TGFBI: variants seen among roughly 807,000 people sequenced by gnomAD.
TGFBI encodes the protein transforming growth factor beta induced, also known as transforming growth factor-beta-induced protein ig-h3.
Under a neutral mutation model 73.7 loss-of-function variants are expected in TGFBI, and 50 were observed. The observed-to-expected ratio is 0.68, with a 90% CI of 0.54 to 0.86. The LOEUF (loss-of-function observed/expected upper bound fraction) is 0.86. TGFBI is among the 40% of genes least tolerant of loss of function. The pLI is 0.00. For missense variants in TGFBI, 839 were observed against 877.0 expected (o/e 0.96, Z 0.55); for synonymous variants, 362 against 360.5 (o/e 1.00, Z -0.05).
At chr5:136,062,533 C>T in intron 15 of TGFBI, 130 bp from the exon 16 acceptor site, 3 of 938,518 alleles carry the variant, frequency 3.2e-6, no homozygotes, top group South Asian at 1.4e-5. Flanking sequence ...CTATAAGTTC[C>T]ACCTTCCCCT....
intron 12 of TGFBI, among the ~76,000 whole-genome samples, chr5:136,057,120 G>A (rs1751657977): frequency 6.6e-6 from 1 of 152,118 alleles, no homozygotes; most frequent in Non-Finnish European, 1.5e-5. Context: ...ATGCAAGGGG[G>A]ACCACTCAGC....
rs1751785832 is a variant in TGFBI at position 136,063,458 on chromosome 5, G to T, written c.*232G>T. On this transcript the variant is annotated 3_prime_UTR_variant, in exon 17 of 17. Coordinates refer to ENST00000442011, the MANE Select transcript of TGFBI (RefSeq NM_000358.3). ...TTAACCCACTGCATGCAGAAACTTG[G>T]ATGTCACTGCCTGACATTCACTTCC... 1 of 516,474 alleles carries T rather than the reference G, an allele frequency of 1.9e-6. No homozygotes were observed. The highest frequency in any genetic ancestry group is 3.5e-6 in the Non-Finnish European group (1 of 287,864). The allele number at this position is 516,474 out of a possible 1,614,324, so 32.0% of individuals were successfully genotyped here.
chr5:136,059,358 A>G, intron 13 of TGFBI, 144 bp downstream of exon 13: 1 of 1,220,466 alleles, frequency 8.2e-7, no homozygotes, highest in Non-Finnish European at 1.1e-6. Context: ...AAAGAAAAAG[A>G]GAAAAGAGAA....
chr5:136,055,946 G>A (rs939655125), intron 11 of TGFBI, 130 bp downstream of exon 11: 18 of 942,674 alleles, frequency 1.9e-5, no homozygotes, highest in South Asian at 8.9e-5. Context: ...GCACTGCTGC[G>A]ACCTTCCAGA....
chr5:136,030,554 C>A (rs572087265), intron 1 of TGFBI, among the ~76,000 whole-genome samples: 1 of 152,212 alleles, frequency 6.6e-6, no homozygotes, highest in African/African-American at 2.4e-5. Flanking sequence ...CTGGGGATAT[C>A]CTGGGGTCTT....
At chr5:136,043,452 G>A (rs1751374063) in intron 2 of TGFBI, among the ~76,000 whole-genome samples, 1 of 152,136 alleles carries the variant, frequency 6.6e-6, no homozygotes, top group African/African-American at 2.4e-5. Flanking sequence ...TAATTTTAAA[G>A]TTTAAAATTT....
At chr5:136,030,072 G>A (rs566148196) in intron 1 of TGFBI, among the ~76,000 whole-genome samples, 6 of 152,290 alleles carry the variant, frequency 3.9e-5, no homozygotes, top group Non-Finnish European at 2.9e-5. Flanking sequence ...CCATACCTGC[G>A]TCACAAATAC....
intron 2 of TGFBI, 105 bp downstream of exon 2, chr5:136,033,966 T>C: frequency 2.2e-6 from 2 of 909,290 alleles, no homozygotes; most frequent in South Asian, 2.8e-5. Flanking sequence ...TAAAAAGCCA[T>C]GAAGATGCAT....
At position 136,047,414 on chromosome 5, in the gene TGFBI, C is replaced by G. The variant is rs980111010; in HGVS notation, c.765C>G (p.Thr255=). 1.9e-6 allele frequency: 3 copies of G among 1,613,840 alleles called. No homozygotes were observed. Among genetic ancestry groups the G allele is most frequent in the Middle Eastern group, 3.3e-4 (2 of 6,058 alleles). The change falls in exon 6 of 17, where the codon ACC becomes ACG. Residue 255 remains threonine, a synonymous_variant. Coordinates refer to ENST00000442011, the MANE Select transcript of TGFBI (RefSeq NM_000358.3). ...QIIEIEDTFE[T]LRAAVAASGL... is the part of the protein sequence containing the mutation. ...TTGAGATCGAGGACACCTTTGAGAC[C>G]CTTCGGGTAAGGGACTGCCCTGGGT...
chr5:136,033,141 T>A (rs2126902049), intron 1 of TGFBI, among the ~76,000 whole-genome samples: 1 of 152,220 alleles, frequency 6.6e-6, no homozygotes, highest in Non-Finnish European at 1.5e-5. Context: ...CCTCCCCGCA[T>A]CACTTACAGG....
At chr5:136,055,355 T>C (rs1348633186) in intron 10 of TGFBI, 1 of 244,630 alleles carries the variant, frequency 4.1e-6, no homozygotes, top group African/African-American at 2.2e-5. Context: ...ATGGTTATCA[T>C]CTGTTAAACA....
At chr5:136,052,077 G>A (rs188037921) in intron 7 of TGFBI, among the ~76,000 whole-genome samples, 330 of 152,342 alleles carry the variant, frequency 2.2e-3, no homozygotes, top group African/African-American at 7.6e-3. Context: ...GGTTGGGGGG[G>A]GCTCCTCCTC....
chr5:136,042,198 T>A (rs1751352867), intron 2 of TGFBI, among the ~76,000 whole-genome samples: 1 of 152,242 alleles, frequency 6.6e-6, no homozygotes, highest in Non-Finnish European at 1.5e-5. Flanking sequence ...CCTAGTCCTA[T>A]GGGTTCAAGG....
In TGFBI at chr5:136,033,852, G is replaced by A. The variant is rs376708827; in HGVS notation, c.224G>A (p.Gly75Asp). The A allele has an allele frequency of 1.2e-6, 2 of 1,613,428 alleles. No homozygotes were observed. Among genetic ancestry groups the A allele is most frequent in the African/African-American group, 2.7e-5 (2 of 74,930 alleles). ...CKQWYQRKICGKSTVISYECC... is the reference protein window; with the variant it reads ...CKQWYQRKICDKSTVISYECC... ...CAGTGGTACCAAAGGAAAATCTGTG[G>A]CAAATCAACGTGAGTATCTGTAACC... The change falls in exon 2 of 17, where the codon GGC becomes GAC. Residue 75 changes from glycine to aspartate, a missense_variant. Transcript: ENST00000442011.
At chr5:136,049,378 C>T (rs1751491275) in intron 6 of TGFBI, 61 bp from the exon 7 acceptor site, 1 of 1,582,508 alleles carries the variant, frequency 6.3e-7, no homozygotes, top group Non-Finnish European at 8.6e-7. Flanking sequence ...GCTGTGTGTG[C>T]ATCTTCTGTG....
At chr5:136,062,133 C>T (rs1385848930) in intron 15 of TGFBI, among the ~76,000 whole-genome samples, 1 of 152,140 alleles carries the variant, frequency 6.6e-6, no homozygotes, top group Non-Finnish European at 1.5e-5. Context: ...TCCTGCTCCC[C>T]AGCTTGCCCA....
At chr5:136,054,958 A>G in intron 10 of TGFBI, 97 bp downstream of exon 10, 1 of 1,415,840 alleles carries the variant, frequency 7.1e-7, no homozygotes, top group Non-Finnish European at 9.6e-7. Flanking sequence ...AGGAGTTTGC[A>G]TGAGAACTGG....
At chr5:136,043,612 GATGATGAA>G (rs1372586031) in intron 2 of TGFBI, among the ~76,000 whole-genome samples, 1 of 152,218 alleles carries the variant, frequency 6.6e-6, no homozygotes, top group Non-Finnish European at 1.5e-5. Flanking sequence ...GACCCAGAGA[GATGATGAA>G]ATTGGCTGAG....
chr5:136,058,143 A>G (rs988185417), intron 12 of TGFBI, among the ~76,000 whole-genome samples: 15 of 152,180 alleles, frequency 9.9e-5, no homozygotes, highest in African/African-American at 3.6e-4. Context: ...ATTTTGTGGA[A>G]GGGGAACCTT....
Sources: gnomAD v4.1 joint callset for allele counts (sites outside exome capture counted in the v4.1 genomes callset) on GRCh38, gnomAD v4.1.1 for gene constraint, MANE v1.5 for transcripts, NCBI Gene and HGNC (gene_info 2026-07-23, HGNC 2026-07-21) for gene names.